Variants in ELMOD1 observed in about 807,000 individuals in gnomAD.
The protein encoded by ELMOD1 is ELMO domain-containing protein 1.
In ELMOD1, 21 loss-of-function variants were observed where a neutral mutation model predicts 46.7. The ratio of observed to expected loss-of-function variants is 0.45; its 90% CI spans 0.32 to 0.65. ELMOD1 has a LOEUF of 0.65. ELMOD1 is among the 30% of genes least tolerant of loss of function. ELMOD1 has a pLI of 0.04. For synonymous variants in ELMOD1, 122 were observed against 138.2 expected, an observed-to-expected ratio of 0.88 and a Z score of 0.82; for missense variants, 348 against 407.8, an observed-to-expected ratio of 0.85 and a Z score of 1.26.
chr11:107,631,709 G>A, intron 5 of ELMOD1, 32 bp downstream of exon 5: 1 of 1,256,758 alleles, frequency 8.0e-7, no homozygotes, highest in East Asian at 2.6e-5. Context: ...CAAAAATACA[G>A]AACACAAATC....
chr11:107,659,792 T>G (rs1591140707), intron 11 of ELMOD1, among the ~76,000 whole-genome samples: 1 of 152,014 alleles, frequency 6.6e-6, no homozygotes, highest in Non-Finnish European at 1.5e-5. Flanking sequence ...CCAGGCGCGG[T>G]GGCTCACACC....
At chr11:107,591,888 G>C in intron 1 of ELMOD1, 1 of 491,690 alleles carries the variant, frequency 2.0e-6, no homozygotes, top group Non-Finnish European at 4.2e-6. Flanking sequence ...CCGGACTGTG[G>C]GGTCCTCCGC....
intron 1 of ELMOD1, among the ~76,000 whole-genome samples, chr11:107,612,154 A>G (rs1272563268): frequency 6.6e-6 from 1 of 152,242 alleles, no homozygotes; most frequent in Admixed American, 6.5e-5. Context: ...AATATGTGTT[A>G]TGTATACCAT....
chr11:107,647,084 A>T (rs546300901), intron 6 of ELMOD1, among the ~76,000 whole-genome samples: 2 of 152,188 alleles, frequency 1.3e-5, no homozygotes, highest in Non-Finnish European at 1.5e-5. Context: ...CAGAGCAAAG[A>T]TATCACAACA....
chr11:107,638,217 C>G (rs1866263145), intron 6 of ELMOD1, among the ~76,000 whole-genome samples: 1 of 152,188 alleles, frequency 6.6e-6, no homozygotes, highest in Non-Finnish European at 1.5e-5. Flanking sequence ...CACTAGCTCC[C>G]CAAGCAAACT....
In ELMOD1 at chr11:107,628,537, TTTG is replaced by T. The variant is rs539880325; in HGVS notation, c.18-1868_18-1866del. On this transcript the variant is annotated intron_variant, in intron 2 of 11. Coordinates refer to ENST00000265840, the MANE Select transcript of ELMOD1 (RefSeq NM_018712.4). ...AAATTTATTTTTAGGGCTACTGGGT[TTTG>T]TTGTTGTTGTTTTTTGGGGTGTTTT... is the stretch of plus-strand genomic sequence containing the variant. Among the ~76,000 whole-genome samples, 7 of 151,884 alleles carry T rather than the reference TTTG, an allele frequency of 4.6e-5. No homozygotes were observed. The East Asian group carries it at 5.8e-4, about 13-fold the overall frequency.
At chr11:107,658,459 C>T (rs1256397026) in intron 11 of ELMOD1, among the ~76,000 whole-genome samples, 1 of 152,056 alleles carries the variant, frequency 6.6e-6, no homozygotes, top group African/African-American at 2.4e-5. Context: ...TGAGCATCTC[C>T]AACAAATATG....
chr11:107,618,025 G>T (rs1865889803), intron 1 of ELMOD1, 80 bp from the exon 2 acceptor site: 1 of 692,666 alleles, frequency 1.4e-6, no homozygotes, highest in East Asian at 2.7e-5. Flanking sequence ...TTAACTGCTT[G>T]CCTCAGTAAG....
chr11:107,597,298 C>T (rs1236006118), intron 1 of ELMOD1, among the ~76,000 whole-genome samples: 1 of 152,178 alleles, frequency 6.6e-6, no homozygotes, highest in Non-Finnish European at 1.5e-5. Flanking sequence ...GTTCTAAAAT[C>T]ACTTGCTAAG....
At chr11:107,648,724 A>C (rs1018465505) in intron 7 of ELMOD1, among the ~76,000 whole-genome samples, 2 of 151,758 alleles carry the variant, frequency 1.3e-5, no homozygotes, top group African/African-American at 4.8e-5. Context: ...GCCAATTCTC[A>C]GAGTCAGGAG....
At chr11:107,644,507 C>T (rs547734476) in intron 6 of ELMOD1, among the ~76,000 whole-genome samples, 1 of 152,162 alleles carries the variant, frequency 6.6e-6, no homozygotes, top group African/African-American at 2.4e-5. Context: ...CAGAGTCTCG[C>T]TCTGTAGCCC....
At chr11:107,653,333 GAA>G (rs1866558200) in intron 9 of ELMOD1, 1 of 136,700 alleles carries the variant, frequency 7.3e-6, no homozygotes, top group Non-Finnish European at 1.7e-5. Flanking sequence ...GCGAGGCCAA[GAA>G]AGAGAGAGAG....
chr11:107,613,155 C>T (rs541099941), intron 1 of ELMOD1, among the ~76,000 whole-genome samples: 3 of 152,108 alleles, frequency 2.0e-5, no homozygotes, highest in Non-Finnish European at 4.4e-5. Flanking sequence ...TTAAGTGATT[C>T]TTCACTTGAC....
intron 11 of ELMOD1, among the ~76,000 whole-genome samples, chr11:107,660,491 G>C (rs1866720091): frequency 6.6e-6 from 1 of 152,142 alleles, no homozygotes; most frequent in Admixed American, 6.5e-5. Flanking sequence ...ACGCCAGAAG[G>C]GGAAAAGCAA....
At chr11:107,596,481 A>G (rs913555146) in intron 1 of ELMOD1, among the ~76,000 whole-genome samples, 8 of 152,144 alleles carry the variant, frequency 5.3e-5, no homozygotes, top group Non-Finnish European at 7.4e-5. Flanking sequence ...AGATTTTCTG[A>G]AGATTCCATA....
At chr11:107,651,775 A>G (rs1866530825) in intron 9 of ELMOD1, among the ~76,000 whole-genome samples, 1 of 152,200 alleles carries the variant, frequency 6.6e-6, no homozygotes, top group Non-Finnish European at 1.5e-5. Flanking sequence ...CTCAGGTGGC[A>G]TATCCTAGAG....
chr11:107,641,939 CTTTTTTT>C (rs34475862), intron 6 of ELMOD1, among the ~76,000 whole-genome samples: 9,397 of 100,492 alleles, frequency 0.094, 382 homozygotes, highest in South Asian at 0.14. Flanking sequence ...TGAGCTTACT[CTTTTTTT>C]TTTTTTTTTT....
chr11:107,611,850 T>G (rs941400878), intron 1 of ELMOD1, among the ~76,000 whole-genome samples: 9 of 151,950 alleles, frequency 5.9e-5, no homozygotes, highest in Admixed American at 2.0e-4. Flanking sequence ...GAATGGCTAT[T>G]ATTAAGAAGT....
chr11:107,631,778 C>A, intron 5 of ELMOD1, 101 bp downstream of exon 5: 1 of 565,486 alleles, frequency 1.8e-6, no homozygotes, highest in South Asian at 3.7e-5. Context: ...CCCTCTCTCC[C>A]TAAAATAATC....
Sources: allele counts gnomAD v4.1 joint callset (sites outside exome capture counted in the v4.1 genomes callset), GRCh38; gene constraint gnomAD v4.1.1; transcripts MANE v1.5; gene names NCBI Gene and HGNC (gene_info 2026-07-23, HGNC 2026-07-21).